Variants in KIAA1755 observed in about 807,000 individuals in gnomAD.
KIAA1755 encodes KIAA1755.
A neutral mutation model predicts 91.7 loss-of-function variants in KIAA1755; 68 were observed. That is an observed-to-expected ratio of 0.74 (90% CI 0.61 to 0.91). The LOEUF (loss-of-function observed/expected upper bound fraction) is 0.91. Among genes scored for constraint, KIAA1755 ranks in the 40% least tolerant of loss-of-function variants. The probability of loss-of-function intolerance (pLI) is 0.00; values close to 1 mark genes in which losing one functional copy is unlikely to be tolerated. For missense variants in KIAA1755, 1,535 were observed against 1,494.4 expected (o/e 1.03, Z -0.45); for synonymous variants, 610 against 604.6 (o/e 1.01, Z -0.13).
intron 4 of KIAA1755, 105 bp from the exon 5 acceptor site, chr20:38,231,430 G>A (rs150662404): frequency 7.1e-6 from 9 of 1,270,944 alleles, no homozygotes; most frequent in Middle Eastern, 2.8e-4. Context: ...CCTTTGCCTG[G>A]AACACCCTTT....
At chr20:38,247,385 G>A (rs1272402958) in intron 1 of KIAA1755, among the ~76,000 whole-genome samples, 1 of 152,072 alleles carries the variant, frequency 6.6e-6, no homozygotes, top group Non-Finnish European at 1.5e-5. Context: ...CACCGCACAT[G>A]CAGTGGCTTC....
chr20:38,259,652 A>C (rs1353087569), intron 1 of KIAA1755, among the ~76,000 whole-genome samples: 2 of 151,660 alleles, frequency 1.3e-5, no homozygotes, highest in African/African-American at 4.9e-5. Context: ...ACAGGGTTAA[A>C]GCCTTGGCCT....
At chr20:38,235,131 C>T (rs1022079027) in intron 4 of KIAA1755, among the ~76,000 whole-genome samples, 4 of 151,984 alleles carry the variant, frequency 2.6e-5, no homozygotes, top group African/African-American at 4.8e-5. Context: ...CATATCAAAA[C>T]GAGTGTGAAT....
chr20:38,256,476 C>T (rs369461049), intron 1 of KIAA1755, among the ~76,000 whole-genome samples: 20 of 152,308 alleles, frequency 1.3e-4, no homozygotes, highest in South Asian at 4.1e-4. Flanking sequence ...ATTTACTTAA[C>T]GTTTGACTTT....
At chr20:38,234,416 C>T (rs1181077977) in intron 4 of KIAA1755, among the ~76,000 whole-genome samples, 1 of 152,232 alleles carries the variant, frequency 6.6e-6, no homozygotes, top group Admixed American at 6.5e-5. Context: ...TCCTGCAAGA[C>T]TGAGAGCCCT....
chr20:38,240,631 C>T lies in KIAA1755; in HGVS notation c.1500G>A (p.Leu500=). Residue 500 remains leucine, a synonymous_variant, in exon 3 of 14, where the codon CTG becomes CTA. Transcript: ENST00000279024. ...SLQHNGPWKV[L]CSLYSPKPNR... ...TGGGTTTAGGAGAGTAGAGGGAACACAGGACTTTCCAGGGCCCATTGTGCT... is the reference window on the plus strand; with the variant it reads ...TGGGTTTAGGAGAGTAGAGGGAACATAGGACTTTCCAGGGCCCATTGTGCT... 5 of 1,516,316 alleles carry T rather than the reference C, an allele frequency of 3.3e-6. No individual in the cohort carries two copies. Among genetic ancestry groups the T allele is most frequent in the Non-Finnish European group, 4.4e-6 (5 of 1,133,582 alleles). 93.9% of individuals were successfully genotyped at this position (1,516,316 alleles called of 1,614,324 possible).
chr20:38,230,249 T>C (rs1457454106), intron 5 of KIAA1755, among the ~76,000 whole-genome samples: 3 of 152,208 alleles, frequency 2.0e-5, no homozygotes, highest in Non-Finnish European at 4.4e-5. Context: ...ACTCACTCAC[T>C]GACTCACCCA....
intron 4 of KIAA1755, among the ~76,000 whole-genome samples, chr20:38,235,077 G>T (rs559797383): frequency 6.6e-6 from 1 of 151,738 alleles, no homozygotes; most frequent in Non-Finnish European, 1.5e-5. Context: ...GGGGAGGGAG[G>T]AATGGTAAGT....
intron 1 of KIAA1755, among the ~76,000 whole-genome samples, chr20:38,252,982 A>C (rs1020784790): frequency 1.3e-5 from 2 of 152,290 alleles, no homozygotes; most frequent in Middle Eastern, 3.4e-3. Flanking sequence ...ACAGGAACCC[A>C]AACACCAGAC....
chr20:38,213,230 C>T lies in KIAA1755; in HGVS notation c.3415G>A (p.Gly1139Ser), dbSNP rs750469159. The T allele has an allele frequency of 1.4e-5, 23 of 1,613,136 alleles. No homozygotes were observed. The highest frequency in any genetic ancestry group is 4.5e-5 in the East Asian group (2 of 44,896). The change falls in exon 14 of 14, where the codon GGC (glycine) becomes AGC (serine). Residue 1139 changes from glycine to serine, a missense_variant. Transcript: ENST00000279024. ...EAGQAAEAED[G>S]KGSHKLPDPA... is the part of the protein sequence containing the mutation. ...TCAGGCAGCTTGTGGGAGCCTTTGC[C>T]GTCTTCAGCCTCTGCAGCCTGGCCA... is the stretch of plus-strand genomic sequence containing the variant.
At chr20:38,251,710 C>A (rs1428602198) in intron 1 of KIAA1755, among the ~76,000 whole-genome samples, 1 of 151,922 alleles carries the variant, frequency 6.6e-6, no homozygotes, top group Non-Finnish European at 1.5e-5. Flanking sequence ...GGATTATAGG[C>A]ACCCACCACC....
At chr20:38,246,193 C>T (rs1053352507) in intron 1 of KIAA1755, 67 bp from the exon 2 acceptor site, 2 of 1,353,986 alleles carry the variant, frequency 1.5e-6, no homozygotes, top group African/African-American at 2.9e-5. Context: ...CTTCCCGTGA[C>T]CTTCCAGGCC....
intron 4 of KIAA1755, chr20:38,236,843 G>A (rs1477728860): frequency 6.6e-6 from 1 of 152,174 alleles, no homozygotes; most frequent in Non-Finnish European, 1.5e-5. Flanking sequence ...GTGAGGGTGG[G>A]AACACGGGGG....
At chr20:38,223,464 C>T (rs1056649822) in intron 9 of KIAA1755, 74 bp downstream of exon 9, 2 of 993,980 alleles carry the variant, frequency 2.0e-6, no homozygotes, top group South Asian at 1.8e-5. Context: ...CCAGGCCGTC[C>T]CCTTCTCGAA....
At chr20:38,231,162 G>T in intron 5 of KIAA1755, 40 bp downstream of exon 5, 1 of 1,586,368 alleles carries the variant, frequency 6.3e-7, no homozygotes, top group Non-Finnish European at 8.6e-7. Context: ...CCAGAGGGTT[G>T]AGGTGGGGAT....
rs1345889450 is a variant in KIAA1755 at position 38,228,135 on chromosome 20, C to T, written c.1965+12G>A. The T allele has an allele frequency of 6.3e-7, 1 of 1,585,166 alleles. No individual in the cohort carries two copies. Among genetic ancestry groups the T allele is most frequent in the Non-Finnish European group, 8.6e-7 (1 of 1,166,046 alleles). On this transcript the variant is annotated intron_variant, in intron 6 of 13. Transcript: ENST00000279024. ...GGACTTACTAGGCTAAGGCTCTCCACCTCCCACTCACCTGGGTGGCCTGCA... is the reference window on the plus strand; with the variant it reads ...GGACTTACTAGGCTAAGGCTCTCCATCTCCCACTCACCTGGGTGGCCTGCA...
intron 1 of KIAA1755, among the ~76,000 whole-genome samples, chr20:38,258,172 AT>A (rs1370473768): frequency 6.6e-6 from 1 of 152,150 alleles, no homozygotes; most frequent in Non-Finnish European, 1.5e-5. Context: ...AAGTGCTGAG[AT>A]TACAGGCGTG....
intron 1 of KIAA1755, among the ~76,000 whole-genome samples, chr20:38,255,322 C>T (rs1477093718): frequency 6.6e-6 from 1 of 152,168 alleles, no homozygotes; most frequent in Non-Finnish European, 1.5e-5. Context: ...TGAGAAAGCA[C>T]TCACTTCCAC....
chr20:38,240,569 G>A lies in KIAA1755; in HGVS notation c.1549+13C>T, dbSNP rs1464916596. ...ATAACCTCCTTGTACAGCTGAGCAT[G>A]TGGGCATCTTACCTTTCCCCAAAGA... On this transcript the variant is annotated intron_variant, in intron 3 of 13. Transcript: ENST00000279024. 2 of 1,485,042 alleles carry A rather than the reference G, an allele frequency of 1.3e-6. No homozygotes were observed. Among genetic ancestry groups the A allele is most frequent in the Non-Finnish European group, 1.8e-6 (2 of 1,117,000 alleles). 92.0% of individuals were successfully genotyped at this position (1,485,042 alleles called of 1,614,324 possible).
Sources: allele counts gnomAD v4.1 joint callset (sites outside exome capture counted in the v4.1 genomes callset), GRCh38; gene constraint gnomAD v4.1.1; transcripts MANE v1.5; gene names NCBI Gene and HGNC (gene_info 2026-07-23, HGNC 2026-07-21).